The following ALCAM variants were observed in gnomAD, a reference collection of about 807,000 sequenced individuals.
ALCAM encodes the protein activated leukocyte cell adhesion molecule, also known as CD166 antigen.
A neutral mutation model predicts 70.9 loss-of-function variants in ALCAM; 30 were observed. The ratio of observed to expected loss-of-function variants is 0.42; its 90% CI spans 0.32 to 0.57. ALCAM has a LOEUF of 0.57. Ranked by LOEUF, ALCAM falls within the 20% of genes least tolerant of loss-of-function variation. The pLI, the probability that ALCAM is intolerant of heterozygous loss-of-function variation, is 0.11. For synonymous variants in ALCAM, 249 were observed against 242.5 expected, an observed-to-expected ratio of 1.03 and a Z score of -0.25; for missense variants, 591 against 695.1, an observed-to-expected ratio of 0.85 and a Z score of 1.68.
rs148602469 is a variant in ALCAM, at chr3:105,534,874, T to C, written c.730+29T>C. 1.6e-4 allele frequency: 247 copies of C among 1,543,498 alleles called. 1 individual carries two copies. The African/African-American group carries it at 3.2e-3, about 20-fold the overall frequency. ...AGTAATTCAATATATAATTATGCTA[T>C]TTAATGTATTAGAAATAATATTCAA... On this transcript the variant is annotated intron_variant, in intron 6 of 15. Transcript: ENST00000306107.
At chr3:105,525,451 A>C in intron 3 of ALCAM, 22 of 750,272 alleles carry the variant, frequency 2.9e-5, no homozygotes, top group East Asian at 1.3e-4. Flanking sequence ...AACAGGTCTC[A>C]AAAGTTTCAG....
chr3:105,378,614 G>T (rs1422018941), intron 1 of ALCAM, among the ~76,000 whole-genome samples: 1 of 138,864 alleles, frequency 7.2e-6, no homozygotes, highest in East Asian at 2.2e-4. Flanking sequence ...ATGGATACTG[G>T]CTAGTTCTCA....
intron 2 of ALCAM, among the ~76,000 whole-genome samples, chr3:105,521,960 T>G (rs1425795312): frequency 6.6e-6 from 1 of 152,194 alleles, no homozygotes; most frequent in African/African-American, 2.4e-5. Flanking sequence ...GCCAACAAAA[T>G]TCCAAGTGCC....
intron 1 of ALCAM, among the ~76,000 whole-genome samples, chr3:105,486,957 C>CATTTATTTATTTATTTATTT (rs9288808): frequency 0.09 from 13,374 of 148,746 alleles, 881 homozygotes; most frequent in African/African-American, 0.16. Context: ...GAGCATAAGA[C>CATTTATTTATTTATTTATTT]ATTTATTTAT....
Position 105,408,033 on chromosome 3 carries a change from A to G in ALCAM, c.73+40552A>G, listed in dbSNP as rs150365124. Among the ~76,000 whole-genome samples, 238 of 152,256 alleles carry G rather than the reference A, an allele frequency of 1.6e-3. 2 individuals carry two copies. Among genetic ancestry groups the G allele is most frequent in the African/African-American group, 5.5e-3 (230 of 41,566 alleles). The stretch of plus-strand genomic sequence containing the variant: ...CGTGAAAGACCTTACAAAGAAAACT[A>G]CAAAACACTGCTGAAAGAAATAATA... On this transcript the variant is annotated intron_variant, in intron 1 of 15. Transcript: ENST00000306107.
chr3:105,367,175 C>T lies in ALCAM; in HGVS notation c.-234C>T. 1.8e-6 allele frequency: 1 copy of T among 547,270 alleles called. No homozygotes were observed. The highest frequency in any genetic ancestry group is 3.3e-6 in the Non-Finnish European group (1 of 303,024). The allele number at this position is 547,270 out of a possible 1,614,324, so 33.9% of individuals were successfully genotyped here. On this transcript the variant is annotated 5_prime_UTR_variant, in exon 1 of 16. Transcript: ENST00000306107. Reference sequence around the variant, plus strand: ...TGTCCCCGGAGGAGCAGCCGAAGGGCCCGTGGGCTGGTGTTGACCGGGAGG... The same window carrying T: ...TGTCCCCGGAGGAGCAGCCGAAGGGTCCGTGGGCTGGTGTTGACCGGGAGG...
chr3:105,495,462 A>T (rs367553869), intron 1 of ALCAM, among the ~76,000 whole-genome samples: 2 of 152,200 alleles, frequency 1.3e-5, no homozygotes, highest in South Asian at 4.1e-4. Context: ...AAAACAAAAC[A>T]TGAAGATGGG....
intron 1 of ALCAM, among the ~76,000 whole-genome samples, chr3:105,394,250 ATG>A (rs1935893687): frequency 6.6e-6 from 1 of 152,090 alleles, no homozygotes; most frequent in African/African-American, 2.4e-5. Context: ...TTACTTTGCT[ATG>A]TGTTTCCCTG....
intron 1 of ALCAM, among the ~76,000 whole-genome samples, chr3:105,512,879 C>A (rs879525912): frequency 6.6e-6 from 1 of 151,722 alleles, no homozygotes; most frequent in East Asian, 1.9e-4. Flanking sequence ...AGTCAACTTT[C>A]GGAACTTCAG....
At chr3:105,571,549 C>T (rs960120808) in intron 14 of ALCAM, among the ~76,000 whole-genome samples, 1 of 152,078 alleles carries the variant, frequency 6.6e-6, no homozygotes, top group Non-Finnish European at 1.5e-5. Context: ...AGTTACTTCC[C>T]AGAAAGTGGA....
At chr3:105,394,996 A>G (rs1003148188) in intron 1 of ALCAM, among the ~76,000 whole-genome samples, 1 of 151,998 alleles carries the variant, frequency 6.6e-6, no homozygotes, top group Non-Finnish European at 1.5e-5. Flanking sequence ...CAAGGTAATA[A>G]TGACTGTATT....
intron 1 of ALCAM, among the ~76,000 whole-genome samples, chr3:105,375,757 C>T (rs1224855425): frequency 6.6e-6 from 1 of 152,018 alleles, no homozygotes; most frequent in Admixed American, 6.5e-5. Context: ...CAATTTTTTT[C>T]TTAAAAAAAC....
At chr3:105,467,959 T>G (rs1203610709) in intron 1 of ALCAM, among the ~76,000 whole-genome samples, 1 of 151,232 alleles carries the variant, frequency 6.6e-6, no homozygotes, top group Non-Finnish European at 1.5e-5. Context: ...GGAATCAGAT[T>G]TGAGGAATCC....
chr3:105,372,739 C>A (rs1343428042), intron 1 of ALCAM, among the ~76,000 whole-genome samples: 2 of 152,134 alleles, frequency 1.3e-5, no homozygotes, highest in African/African-American at 4.8e-5. Context: ...AGCTGTCCAG[C>A]TTCTCTGATT....
At chr3:105,478,146 A>C (rs1239184727) in intron 1 of ALCAM, among the ~76,000 whole-genome samples, 1 of 151,944 alleles carries the variant, frequency 6.6e-6, no homozygotes, top group Non-Finnish European at 1.5e-5. Flanking sequence ...TGACATTTTC[A>C]ATGTTATGTT....
chr3:105,451,033 G>A (rs925619832), intron 1 of ALCAM, among the ~76,000 whole-genome samples: 1 of 151,974 alleles, frequency 6.6e-6, no homozygotes, highest in Non-Finnish European at 1.5e-5. Context: ...AACAGGAAAG[G>A]CAGAATGAAT....
chr3:105,389,371 G>GTTTTT (rs371987714), intron 1 of ALCAM, among the ~76,000 whole-genome samples: 1,103 of 58,174 alleles, frequency 0.019, 283 homozygotes, highest in Admixed American at 0.051. Context: ...TATATACATA[G>GTTTTT]TTTTTTTTTT....
chr3:105,516,939 A>C (rs1041378680), intron 1 of ALCAM, among the ~76,000 whole-genome samples: 1 of 152,136 alleles, frequency 6.6e-6, no homozygotes, highest in Non-Finnish European at 1.5e-5. Context: ...AGAAAATTGC[A>C]AGGGAATTCT....
rs538089777 is a variant in ALCAM, at chr3:105,500,616, G to A, written c.74-19451G>A. Among the ~76,000 whole-genome samples, 93 of 151,992 alleles carry A rather than the reference G, an allele frequency of 6.1e-4. 1 individual carries two copies. Among genetic ancestry groups the A allele is most frequent in the Non-Finnish European group, 1.2e-3 (79 of 67,996 alleles). ...AAATTCAGTATCTTTAAAATACCAA[G>A]ACTATTTAGAACAAATACATGATGT... On this transcript the variant is annotated intron_variant, in intron 1 of 15. Transcript: ENST00000306107.
Sources: allele counts gnomAD v4.1 joint callset (sites outside exome capture counted in the v4.1 genomes callset), GRCh38; gene constraint gnomAD v4.1.1; transcripts MANE v1.5; gene names NCBI Gene and HGNC (gene_info 2026-07-23, HGNC 2026-07-21).